Variants in FAR1 observed in about 807,000 individuals in gnomAD.
FAR1 encodes fatty acyl-CoA reductase 1.
FAR1 carries 22 observed loss-of-function variants against 61.1 expected under a neutral mutation model. That is an observed-to-expected ratio of 0.36 (90% CI 0.26 to 0.51). The LOEUF (loss-of-function observed/expected upper bound fraction) is 0.51. FAR1 is among the 20% of genes least tolerant of loss of function. The pLI is 0.95. For missense variants in FAR1, 359 were observed against 626.9 expected, an observed-to-expected ratio of 0.57 and a Z score of 4.56; for synonymous variants, 206 against 209.7, an observed-to-expected ratio of 0.98 and a Z score of 0.15.
chr11:13,671,532 A>G (rs1190735829), intron 1 of FAR1, among the ~76,000 whole-genome samples: 2 of 152,194 alleles, frequency 1.3e-5, no homozygotes, highest in Non-Finnish European at 2.9e-5. Context: ...AAGGTTATTG[A>G]GAGGTAGGTT....
chr11:13,670,106 G>C (rs1847980408), intron 1 of FAR1: 1 of 151,946 alleles, frequency 6.6e-6, no homozygotes, highest in South Asian at 2.1e-4. Flanking sequence ...GTTTGCTGTC[G>C]CCCAGGCTGG....
At chr11:13,703,678 TGTG>T (rs1848401306) in intron 3 of FAR1, among the ~76,000 whole-genome samples, 2 of 152,308 alleles carry the variant, frequency 1.3e-5, no homozygotes, top group South Asian at 2.1e-4. Context: ...TGTTTTCAGA[TGTG>T]GTGGTTCCTA....
At position 13,700,336 on chromosome 11, in the gene FAR1, A is replaced by G. The variant is rs1277013119; in HGVS notation, c.209A>G (p.Asp70Gly). Residue 70 changes from aspartate to glycine, a missense_variant, in exon 3 of 12, where the codon GAT (aspartate) becomes GGT (glycine). By Grantham distance (94) the Asp-to-Gly change is moderately conservative. This residue lies in a region of FAR1 where 344 missense variants were observed against 570.3 expected (regional missense o/e 0.60). Transcript: ENST00000354817. ...LSGKLFDRLRDENPDFREKII... is the reference protein window; with the variant it reads ...LSGKLFDRLRGENPDFREKII... ...TGATAGCTTTTTGACAGATTGAGAG[A>G]TGAAAATCCAGATTTTAGAGAGAAA... 7 of 1,590,704 alleles carry G rather than the reference A, an allele frequency of 4.4e-6. No homozygotes were observed. The highest frequency in any genetic ancestry group is 6.0e-6 in the Non-Finnish European group (7 of 1,172,660).
intron 7 of FAR1, among the ~76,000 whole-genome samples, 164 bp downstream of exon 7, chr11:13,712,210 A>T (rs567186043): frequency 1.3e-5 from 2 of 152,162 alleles, no homozygotes; most frequent in Admixed American, 1.3e-4. Flanking sequence ...AGACAATAGC[A>T]AGTGCTCCCA....
Position 13,728,589 on chromosome 11 carries a change from A to G in FAR1, c.1386-23A>G, listed in dbSNP as rs202207251. 1.4e-4 allele frequency: 228 copies of G among 1,603,746 alleles called. No individual in the cohort carries two copies. In the African/African-American group the frequency reaches 2.8e-3, roughly 19 times the overall value. On this transcript the variant is annotated intron_variant, in intron 11 of 11. Coordinates refer to ENST00000354817, the MANE Select transcript of FAR1 (RefSeq NM_032228.6). ...TTTTTTCTAGAAAATACTGTCTAACATATCTCTTGATTTGCTTTCCAGGTT... is the reference window on the plus strand; with the variant it reads ...TTTTTTCTAGAAAATACTGTCTAACGTATCTCTTGATTTGCTTTCCAGGTT...
At position 13,694,919 on chromosome 11, in the gene FAR1, C is replaced by G; in HGVS notation, c.154C>G (p.Pro52Ala). 6.2e-7 allele frequency: 1 copy of G among 1,613,204 alleles called. No individual in the cohort carries two copies. Among genetic ancestry groups the G allele is most frequent in the Non-Finnish European group, 8.5e-7 (1 of 1,179,588 alleles). ...GGTGAGGCAGAAAGCTGGACAGACA[C>G]CACAAGAGCGAGTGGAAGAAGTCCT... ...VLVRQKAGQT[P>A]QERVEEVLSG... Residue 52 changes from proline to alanine, a missense_variant, in exon 2 of 12, where the codon CCA (proline) becomes GCA (alanine). By Grantham distance (27) the Pro-to-Ala change is conservative (BLOSUM62 -1). Coordinates refer to ENST00000354817, the MANE Select transcript of FAR1 (RefSeq NM_032228.6).
intron 3 of FAR1, among the ~76,000 whole-genome samples, chr11:13,706,078 T>C (rs1469185448): frequency 1.3e-5 from 2 of 152,162 alleles, no homozygotes; most frequent in Admixed American, 1.3e-4. Flanking sequence ...TGAAAACTTT[T>C]TTTAAAAAAT....
intron 1 of FAR1, among the ~76,000 whole-genome samples, chr11:13,676,440 TC>T (rs1848070247): frequency 6.6e-6 from 1 of 152,116 alleles, no homozygotes; most frequent in African/African-American, 2.4e-5. Context: ...GCAGTTAAGA[TC>T]TGTGGAGGAA....
chr11:13,673,996 C>G (rs1848038144), intron 1 of FAR1, among the ~76,000 whole-genome samples: 1 of 152,046 alleles, frequency 6.6e-6, no homozygotes, highest in Admixed American at 6.6e-5. Context: ...TTACAGTGTA[C>G]AGAAAAGCAT....
chr11:13,716,294 G>T (rs1285946506), intron 9 of FAR1, among the ~76,000 whole-genome samples: 1 of 152,276 alleles, frequency 6.6e-6, no homozygotes, highest in East Asian at 1.9e-4. Context: ...TGAATAGCTG[G>T]TTTACTAAAT....
intron 3 of FAR1, among the ~76,000 whole-genome samples, chr11:13,703,262 C>T (rs1228336883): frequency 1.3e-5 from 2 of 152,216 alleles, no homozygotes; most frequent in Non-Finnish European, 2.9e-5. Context: ...TGGCTCACTG[C>T]AGCCTCGACC....
At position 13,728,832 on chromosome 11, in the gene FAR1, G is replaced by A. The variant is rs1357900656; in HGVS notation, c.*58G>A. 4.0e-6 allele frequency: 6 copies of A among 1,493,088 alleles called. No homozygotes were observed. Among genetic ancestry groups the A allele is most frequent in the Non-Finnish European group, 5.5e-6 (6 of 1,092,344 alleles). The allele number at this position is 1,493,088 out of a possible 1,614,324, so 92.5% of individuals were successfully genotyped here. On this transcript the variant is annotated 3_prime_UTR_variant, in exon 12 of 12. Transcript: ENST00000354817. ...ATATGGTGATCTAAATGTACAAAATGTAAAATGTATAAGTCATCTCACTTT... is the reference window on the plus strand; with the variant it reads ...ATATGGTGATCTAAATGTACAAAATATAAAATGTATAAGTCATCTCACTTT...
intron 2 of FAR1, among the ~76,000 whole-genome samples, chr11:13,696,365 G>C (rs530928184): frequency 6.6e-6 from 1 of 152,094 alleles, no homozygotes; most frequent in Non-Finnish European, 1.5e-5. Flanking sequence ...TTTTTAAGAG[G>C]GAAGGAAGAG....
chr11:13,728,936 G>C lies in FAR1; in HGVS notation c.*162G>C, dbSNP rs1229535519. ...TTTTATGTAACATTTTAATGTTTAT[G>C]CTCATAAAACTTAGTGAACACACTG... On this transcript the variant is annotated 3_prime_UTR_variant, in exon 12 of 12. Coordinates refer to ENST00000354817, the MANE Select transcript of FAR1 (RefSeq NM_032228.6). The C allele has an allele frequency of 1.7e-5, 11 of 640,446 alleles. No homozygotes were observed. Among genetic ancestry groups the C allele is most frequent in the Non-Finnish European group, 2.8e-5 (11 of 390,960 alleles). 39.7% of individuals were successfully genotyped at this position (640,446 alleles called of 1,614,324 possible).
At chr11:13,723,388 A>C (rs12421421) in intron 10 of FAR1, 61,403 of 393,976 alleles carry the variant, frequency 0.16, 5,289 homozygotes, top group South Asian at 0.23. Flanking sequence ...AAAAAACCCC[A>C]AAAAAAAACT....
At chr11:13,699,013 A>G (rs1164418357) in intron 2 of FAR1, among the ~76,000 whole-genome samples, 1 of 152,154 alleles carries the variant, frequency 6.6e-6, no homozygotes, top group East Asian at 1.9e-4. Context: ...AAGCATATTA[A>G]TGCCTTCTGA....
rs1384059744 is a variant in FAR1 at position 13,732,264 on chromosome 11, A to G, written c.*3490A>G. The stretch of plus-strand genomic sequence containing the variant: ...TTTGCTATCCTTAAGATCCTAAACA[A>G]ATCATCTTTGTCAGTTAAGTATAGT... On this transcript the variant is annotated 3_prime_UTR_variant, in exon 12 of 12. Transcript: ENST00000354817. 6.6e-6 allele frequency: 1 copy of G among 152,194 alleles called. No homozygotes were observed. Among genetic ancestry groups the G allele is most frequent in the Non-Finnish European group, 1.5e-5 (1 of 68,016 alleles). 9.4% of individuals were successfully genotyped at this position (152,194 alleles called of 1,614,324 possible).
chr11:13,695,172 A>G (rs1368202096), intron 2 of FAR1, among the ~76,000 whole-genome samples: 1 of 152,204 alleles, frequency 6.6e-6, no homozygotes, highest in African/African-American at 2.4e-5. Context: ...AAAATTGTAT[A>G]ACAAGCTCTA....
intron 3 of FAR1, among the ~76,000 whole-genome samples, chr11:13,706,557 T>G (rs1848435046): frequency 6.6e-6 from 1 of 152,172 alleles, no homozygotes. Context: ...TTTTGAAATA[T>G]GTATATATTG....
Sources: allele counts gnomAD v4.1 joint callset (sites outside exome capture counted in the v4.1 genomes callset), GRCh38; gene constraint gnomAD v4.1.1; regional missense constraint gnomAD v4.1.1; transcripts MANE v1.5; gene names NCBI Gene and HGNC (gene_info 2026-07-23, HGNC 2026-07-21).